The following TMEM203 variants were observed in gnomAD, a reference collection of about 807,000 sequenced individuals.
TMEM203 encodes HBeAg-binding protein 1.
TMEM203 carries 4 observed loss-of-function variants against 7.9 expected under a neutral mutation model. The ratio of observed to expected loss-of-function variants is 0.51; its 90% CI spans 0.25 to 1.16. The LOEUF (loss-of-function observed/expected upper bound fraction) is 1.16, where lower values mean the gene tolerates loss of function less well. TMEM203 is among the 50% of genes most tolerant of loss of function. The pLI, the probability that TMEM203 is intolerant of heterozygous loss-of-function variation, is 0.15. For missense variants in TMEM203, 127 were observed against 174.4 expected (o/e 0.73, Z 1.53); for synonymous variants, 92 against 82.5 (o/e 1.11, Z -0.62).
In TMEM203 at chr9:137,204,721, C is replaced by A; in HGVS notation, c.*283G>T. On this transcript the variant is annotated 3_prime_UTR_variant, in exon 1 of 1. Transcript: ENST00000343666. ...TTCCAAGTGTCAGAGGGGTTCAGGA[C>A]TGTCTGGCCTGGGGGGCCTCCTCAT... The A allele has an allele frequency of 2.3e-6, 1 of 432,250 alleles. No homozygotes were observed. Among genetic ancestry groups the A allele is most frequent in the Non-Finnish European group, 4.2e-6 (1 of 239,726 alleles). 26.8% of individuals were successfully genotyped at this position (432,250 alleles called of 1,614,324 possible).
rs559255934 is a variant in TMEM203 at position 137,204,453 on chromosome 9, G to A, written c.*551C>T. 1 of 153,186 alleles carries A rather than the reference G, an allele frequency of 6.5e-6. No individual in the cohort carries two copies. The highest frequency in any genetic ancestry group is 1.5e-5 in the Non-Finnish European group (1 of 68,606). 9.5% of individuals were successfully genotyped at this position (153,186 alleles called of 1,614,324 possible). A position where few individuals can be genotyped will look rare whatever the true frequency, so the allele number is the denominator to read the frequency against. ...CATTCTTCTGTCTCTGCCTAGACTGGAATAAAAAGCCAATCTCTCTCGTGG... is the reference window on the plus strand; with the variant it reads ...CATTCTTCTGTCTCTGCCTAGACTGAAATAAAAAGCCAATCTCTCTCGTGG... On this transcript the variant is annotated 3_prime_UTR_variant, in exon 1 of 1. Coordinates refer to ENST00000343666, the MANE Select transcript of TMEM203 (RefSeq NM_053045.2).
chr9:137,205,568 C>G lies in TMEM203; in HGVS notation c.-154G>C. On this transcript the variant is annotated 5_prime_UTR_variant, in exon 1 of 1. Coordinates refer to ENST00000343666, the MANE Select transcript of TMEM203 (RefSeq NM_053045.2). ...AGCCCCAGCCCTCGGCCCTGATGCG[C>G]CGGCAATCCCCCGGCCCCGACCCGG... 1.7e-6 allele frequency: 2 copies of G among 1,198,394 alleles called. No individual in the cohort carries two copies. The highest frequency in any genetic ancestry group is 2.2e-6 in the Non-Finnish European group (2 of 901,508). The allele number at this position is 1,198,394 out of a possible 1,614,324, so 74.2% of individuals were successfully genotyped here. A position where few individuals can be genotyped will look rare whatever the true frequency, so the allele number is the denominator to read the frequency against.
Position 137,205,429 on chromosome 9 carries a change from G to A in TMEM203, c.-15C>T. 1 of 1,528,310 alleles carries A rather than the reference G, an allele frequency of 6.5e-7. No individual in the cohort carries two copies. Among genetic ancestry groups the A allele is most frequent in the South Asian group, 1.2e-5 (1 of 82,760 alleles). 94.7% of individuals were successfully genotyped at this position (1,528,310 alleles called of 1,614,324 possible). ...GAGAAGAGCATCGCGCCCGTTGAGC[G>A]CGGGCCGGGGCCCGGCCGAGCGTGC... On this transcript the variant is annotated 5_prime_UTR_variant, in exon 1 of 1. Transcript: ENST00000343666.
chr9:137,204,886 G>T lies in TMEM203; in HGVS notation c.*118C>A. Reference sequence around the variant, plus strand: ...AGGGAAACCCGGCACTCAGCTCGGCGCAAGCCGGCGGTGCCTTCAGACTAG... The same window carrying T: ...AGGGAAACCCGGCACTCAGCTCGGCTCAAGCCGGCGGTGCCTTCAGACTAG... On this transcript the variant is annotated 3_prime_UTR_variant, in exon 1 of 1. Coordinates refer to ENST00000343666, the MANE Select transcript of TMEM203 (RefSeq NM_053045.2). 1 of 1,375,974 alleles carries T rather than the reference G, an allele frequency of 7.3e-7. No homozygotes were observed. The highest frequency in any genetic ancestry group is 9.6e-7 in the Non-Finnish European group (1 of 1,036,774). The allele number at this position is 1,375,974 out of a possible 1,614,324, so 85.2% of individuals were successfully genotyped here. A position where few individuals can be genotyped will look rare whatever the true frequency, so the allele number is the denominator to read the frequency against.
chr9:137,205,055 C>T lies in TMEM203; in HGVS notation c.360G>A (p.Pro120=). ...TGAGCAGCTGCAGGAGAATGAAGAGCGGGGACGTAATGAGGCCGAACCAGA... is the reference window on the plus strand; with the variant it reads ...TGAGCAGCTGCAGGAGAATGAAGAGTGGGGACGTAATGAGGCCGAACCAGA... The part of the protein sequence containing the change: ...RELWFGLITS[P]LFILLQLLMI... Residue 120 remains proline (P), a synonymous_variant, in exon 1 of 1, where the codon CCG becomes CCA. Transcript: ENST00000343666. 6.2e-7 allele frequency: 1 copy of T among 1,612,738 alleles called. No individual in the cohort carries two copies. The highest frequency in any genetic ancestry group is 8.5e-7 in the Non-Finnish European group (1 of 1,179,868).
At position 137,204,843 on chromosome 9, in the gene TMEM203, T is replaced by C; in HGVS notation, c.*161A>G. 2 of 942,238 alleles carry C rather than the reference T, an allele frequency of 2.1e-6. No individual in the cohort carries two copies. Among genetic ancestry groups the C allele is most frequent in the Admixed American group, 5.8e-5 (2 of 34,222 alleles). 58.4% of individuals were successfully genotyped at this position (942,238 alleles called of 1,614,324 possible). On this transcript the variant is annotated 3_prime_UTR_variant, in exon 1 of 1. Transcript: ENST00000343666. ...TTTTAAGCCCTGCTGAAGAAACCAT[T>C]TCAAACAGGATTGGAATAGGGAAAC...
chr9:137,204,989 G>C lies in TMEM203; in HGVS notation c.*15C>G. On this transcript the variant is annotated 3_prime_UTR_variant, in exon 1 of 1. Coordinates refer to ENST00000343666, the MANE Select transcript of TMEM203 (RefSeq NM_053045.2). ...TCTAGTTGTCCAGCGCTCCCTCTCC[G>C]GCACCTCGGTGAGGCTAGTTGACCC... The C allele has an allele frequency of 6.3e-7, 1 of 1,595,176 alleles. No homozygotes were observed. Among genetic ancestry groups the C allele is most frequent in the African/African-American group, 1.3e-5 (1 of 74,594 alleles).
rs1187135015 is a variant in TMEM203 at position 137,205,364 on chromosome 9, G to T, written c.51C>A (p.Phe17Leu). ...GGGCCAGCAGGTGCACGAAGATCTC[G>T]AAGGTGGCGAAGCCTAGCCACTGCA... ...ELVQWLGFAT[F>L]EIFVHLLALL... is the part of the protein sequence containing the mutation. Residue 17 changes from phenylalanine (F) to leucine (L), a missense_variant, in exon 1 of 1, where the codon TTC (phenylalanine) becomes TTA (leucine). By Grantham distance (22) the Phe-to-Leu change is conservative (BLOSUM62 0). Coordinates refer to ENST00000343666, the MANE Select transcript of TMEM203 (RefSeq NM_053045.2). 1.9e-6 allele frequency: 3 copies of T among 1,604,056 alleles called. No homozygotes were observed. Among genetic ancestry groups the T allele is most frequent in the Non-Finnish European group, 2.6e-6 (3 of 1,176,112 alleles).
In TMEM203 at chr9:137,204,811, G is replaced by C. The variant is rs765737835; in HGVS notation, c.*193C>G. The C allele has an allele frequency of 1.2e-5, 8 of 684,972 alleles. No individual in the cohort carries two copies. Among genetic ancestry groups the C allele is most frequent in the East Asian group, 5.5e-5 (2 of 36,292 alleles). The allele number at this position is 684,972 out of a possible 1,614,324, so 42.4% of individuals were successfully genotyped here. A position where few individuals can be genotyped will look rare whatever the true frequency, so the allele number is the denominator to read the frequency against. On this transcript the variant is annotated 3_prime_UTR_variant, in exon 1 of 1. Coordinates refer to ENST00000343666, the MANE Select transcript of TMEM203 (RefSeq NM_053045.2). ...AAGGAAATACATTTTCAGGATGAAG[G>C]CTGCTCTTTTAAGCCCTGCTGAAGA...
Position 137,205,534 on chromosome 9 carries a change from G to T in TMEM203, c.-120C>A. 8.2e-7 allele frequency: 1 copy of T among 1,214,696 alleles called. No homozygotes were observed. The highest frequency in any genetic ancestry group is 1.1e-6 in the Non-Finnish European group (1 of 939,748). The allele number at this position is 1,214,696 out of a possible 1,614,324, so 75.2% of individuals were successfully genotyped here. ...CTGCTGCGAGCGAGAGGCAGCGAGC[G>T]GCCCCGCCAGCCCCAGCCCTCGGCC... On this transcript the variant is annotated 5_prime_UTR_variant, in exon 1 of 1. Coordinates refer to ENST00000343666, the MANE Select transcript of TMEM203 (RefSeq NM_053045.2).
Position 137,204,857 on chromosome 9 carries a change from G to T in TMEM203, c.*147C>A. 1 of 1,058,110 alleles carries T rather than the reference G, an allele frequency of 9.5e-7. No homozygotes were observed. The highest frequency in any genetic ancestry group is 1.3e-6 in the Non-Finnish European group (1 of 753,518). The allele number at this position is 1,058,110 out of a possible 1,614,324, so 65.5% of individuals were successfully genotyped here. ...GAAGAAACCATTTCAAACAGGATTG[G>T]AATAGGGAAACCCGGCACTCAGCTC... On this transcript the variant is annotated 3_prime_UTR_variant, in exon 1 of 1. Transcript: ENST00000343666.
chr9:137,205,536 C>A lies in TMEM203; in HGVS notation c.-122G>T. 2 of 1,215,492 alleles carry A rather than the reference C, an allele frequency of 1.6e-6. No homozygotes were observed. The highest frequency in any genetic ancestry group is 2.1e-6 in the Non-Finnish European group (2 of 939,440). The allele number at this position is 1,215,492 out of a possible 1,614,324, so 75.3% of individuals were successfully genotyped here. A position where few individuals can be genotyped will look rare whatever the true frequency, so the allele number is the denominator to read the frequency against. ...GCTGCGAGCGAGAGGCAGCGAGCGG[C>A]CCCGCCAGCCCCAGCCCTCGGCCCT... On this transcript the variant is annotated 5_prime_UTR_variant, in exon 1 of 1. Coordinates refer to ENST00000343666, the MANE Select transcript of TMEM203 (RefSeq NM_053045.2).
chr9:137,205,533 C>T lies in TMEM203; in HGVS notation c.-119G>A, dbSNP rs1834909118. The T allele has an allele frequency of 2.5e-6, 3 of 1,208,538 alleles. No individual in the cohort carries two copies. The highest frequency in any genetic ancestry group is 3.2e-6 in the Non-Finnish European group (3 of 935,420). 74.9% of individuals were successfully genotyped at this position (1,208,538 alleles called of 1,614,324 possible). ...GCTGCTGCGAGCGAGAGGCAGCGAG[C>T]GGCCCCGCCAGCCCCAGCCCTCGGC... is the stretch of plus-strand genomic sequence containing the variant. On this transcript the variant is annotated 5_prime_UTR_variant, in exon 1 of 1. Coordinates refer to ENST00000343666, the MANE Select transcript of TMEM203 (RefSeq NM_053045.2).
At position 137,205,409 on chromosome 9, in the gene TMEM203, G is replaced by T; in HGVS notation, c.6C>A (p.Leu2=). The T allele has an allele frequency of 6.4e-7, 1 of 1,569,802 alleles. No homozygotes were observed. The highest frequency in any genetic ancestry group is 1.1e-5 in the South Asian group (1 of 87,248). Residue 2 remains leucine, a synonymous_variant, in exon 1 of 1, where the codon CTC becomes CTA. Coordinates refer to ENST00000343666, the MANE Select transcript of TMEM203 (RefSeq NM_053045.2). The part of the protein sequence containing the change: M[L]FSLRELVQWL... Reference sequence around the variant, plus strand: ...ACTGCACCAGCTCCCGGAGCGAGAAGAGCATCGCGCCCGTTGAGCGCGGGC... The same window carrying T: ...ACTGCACCAGCTCCCGGAGCGAGAATAGCATCGCGCCCGTTGAGCGCGGGC...
chr9:137,205,236 C>G lies in TMEM203; in HGVS notation c.179G>C (p.Ser60Thr). ...FVPFFAADGL[S>T]TYFTTIVSVR... Reference sequence around the variant, plus strand: ...GGACACGATGGTGGTGAAGTAGGTGCTGAGCCCGTCAGCGGCGAAGAAAGG... The same window carrying G: ...GGACACGATGGTGGTGAAGTAGGTGGTGAGCCCGTCAGCGGCGAAGAAAGG... The change falls in exon 1 of 1, where the codon AGC becomes ACC. Residue 60 changes from serine to threonine, a missense_variant. Coordinates refer to ENST00000343666, the MANE Select transcript of TMEM203 (RefSeq NM_053045.2). 6.2e-7 allele frequency: 1 copy of G among 1,611,930 alleles called. No homozygotes were observed. The highest frequency in any genetic ancestry group is 8.5e-7 in the Non-Finnish European group (1 of 1,179,486).
rs2131358434 is a variant in TMEM203 at position 137,204,309 on chromosome 9, CAA to C, written c.*693_*694del. On this transcript the variant is annotated 3_prime_UTR_variant, in exon 1 of 1. Coordinates refer to ENST00000343666, the MANE Select transcript of TMEM203 (RefSeq NM_053045.2). ...GCTAAGAGTGCCAGCCCAAGGTGGT[CAA>C]AAGTCCACAAAACTGCAGTCTTTGC... The C allele has an allele frequency of 6.6e-6, 1 of 152,328 alleles. No individual in the cohort carries two copies. The highest frequency in any genetic ancestry group is 1.9e-4 in the East Asian group (1 of 5,186). The allele number at this position is 152,328 out of a possible 1,614,324, so 9.4% of individuals were successfully genotyped here. A position where few individuals can be genotyped will look rare whatever the true frequency, so the allele number is the denominator to read the frequency against.
Position 137,205,410 on chromosome 9 carries a change from AGCATCGCGCCCGTTGAGC to A in TMEM203, c.-14_4del. On this transcript the variant is annotated start_lost and 5_prime_UTR_variant, in exon 1 of 1. Coordinates refer to ENST00000343666, the MANE Select transcript of TMEM203 (RefSeq NM_053045.2). ...CTGCACCAGCTCCCGGAGCGAGAAG[AGCATCGCGCCCGTTGAGC>A]GCGGGCCGGGGCCCGGCCGAGCGTG... is the stretch of plus-strand genomic sequence containing the variant. 1 of 1,567,196 alleles carries A rather than the reference AGCATCGCGCCCGTTGAGC, an allele frequency of 6.4e-7. No individual in the cohort carries two copies. Among genetic ancestry groups the A allele is most frequent in the Non-Finnish European group, 8.7e-7 (1 of 1,153,796 alleles).
At position 137,205,615 on chromosome 9, in the gene TMEM203, G is replaced by A. The variant is rs1223529324; in HGVS notation, c.-201C>T. ...CCGGGACTCAACCCTGGCCGCCCGT[G>A]AACGCCCGCCTCGATCGGACGCCAT... On this transcript the variant is annotated 5_prime_UTR_variant, in exon 1 of 1. Transcript: ENST00000343666. 6 of 1,333,520 alleles carry A rather than the reference G, an allele frequency of 4.5e-6. No homozygotes were observed. In the South Asian group the frequency reaches 6.8e-5, roughly 15 times the overall value. 82.6% of individuals were successfully genotyped at this position (1,333,520 alleles called of 1,614,324 possible).
chr9:137,204,962 A>C lies in TMEM203; in HGVS notation c.*42T>G, dbSNP rs748560913. ...AGTAGGGCCTCGGCTCGAGGTCAAC[A>C]TTCTAGTTGTCCAGCGCTCCCTCTC... On this transcript the variant is annotated 3_prime_UTR_variant, in exon 1 of 1. Coordinates refer to ENST00000343666, the MANE Select transcript of TMEM203 (RefSeq NM_053045.2). 6.4e-7 allele frequency: 1 copy of C among 1,567,562 alleles called. No homozygotes were observed. Among genetic ancestry groups the C allele is most frequent in the Admixed American group, 1.8e-5 (1 of 56,214 alleles).
Sources: gnomAD v4.1 joint callset for allele counts on GRCh38, gnomAD v4.1.1 for gene constraint, MANE v1.5 for transcripts, NCBI Gene and HGNC (gene_info 2026-07-23, HGNC 2026-07-21) for gene names.